VPS4A: variants seen among roughly 807,000 people sequenced by gnomAD.
VPS4A encodes vacuolar protein sorting 4 homolog A.
In VPS4A, 20 loss-of-function variants were observed where a neutral mutation model predicts 52.3. The observed-to-expected ratio is 0.38, with a 90% CI of 0.27 to 0.56. The LOEUF (loss-of-function observed/expected upper bound fraction) is 0.56. VPS4A is among the 20% of genes least tolerant of loss of function. The pLI is 0.72. For missense variants in VPS4A, 419 were observed against 575.9 expected (o/e 0.73, Z 2.79); for synonymous variants, 293 against 227.7 (o/e 1.29, Z -2.58).
At chr16:69,316,948 C>T (rs905364472) in intron 3 of VPS4A, among the ~76,000 whole-genome samples, 2 of 152,164 alleles carry the variant, frequency 1.3e-5, no homozygotes, top group African/African-American at 4.8e-5. Flanking sequence ...CACAGCCTCT[C>T]ACCTCAGGTA....
intron 1 of VPS4A, among the ~76,000 whole-genome samples, chr16:69,314,948 T>C (rs929161451): frequency 2.0e-5 from 3 of 152,034 alleles, no homozygotes; most frequent in African/African-American, 7.2e-5. Flanking sequence ...TGTAGGTGCT[T>C]TACTGACCGG....
intron 1 of VPS4A, 83 bp from the exon 2 acceptor site, chr16:69,315,925 T>C: frequency 8.4e-7 from 1 of 1,188,922 alleles, no homozygotes; most frequent in South Asian, 1.3e-5. Context: ...GCATCCCTCG[T>C]CACGTTTCAT....
rs1253673821 is a variant in VPS4A at position 69,311,357 on chromosome 16, G to C, written c.-155G>C. ...GGGCTGCGCTCCTCGCTTGCCCTCG[G>C]ACTCGGCTCCCGCTGCGAGCGGCCG... On this transcript the variant is annotated 5_prime_UTR_variant, in exon 1 of 11. Coordinates refer to ENST00000254950, the MANE Select transcript of VPS4A (RefSeq NM_013245.3). 1.2e-5 allele frequency: 10 copies of C among 802,680 alleles called. No homozygotes were observed. Among genetic ancestry groups the C allele is most frequent in the Non-Finnish European group, 1.7e-5 (10 of 598,450 alleles). The allele number at this position is 802,680 out of a possible 1,614,324, so 49.7% of individuals were successfully genotyped here. A position where few individuals can be genotyped will look rare whatever the true frequency, so the allele number is the denominator to read the frequency against.
intron 1 of VPS4A, among the ~76,000 whole-genome samples, chr16:69,312,861 C>G (rs1008789309): frequency 1.3e-5 from 2 of 152,130 alleles, no homozygotes; most frequent in African/African-American, 4.8e-5. Context: ...GATCTGCCCA[C>G]TTCGGCCTCC....
chr16:69,317,710 G>C (rs910680367), intron 3 of VPS4A, among the ~76,000 whole-genome samples: 1 of 151,980 alleles, frequency 6.6e-6, no homozygotes, highest in Non-Finnish European at 1.5e-5. Flanking sequence ...GGAGAATGGC[G>C]TGAACCCGGG....
chr16:69,321,487 G>A lies in VPS4A; in HGVS notation c.1071+217G>A. 1.7e-6 allele frequency: 1 copy of A among 599,108 alleles called. No homozygotes were observed. Among genetic ancestry groups the A allele is most frequent in the Non-Finnish European group, 2.9e-6 (1 of 339,926 alleles). The allele number at this position is 599,108 out of a possible 1,614,324, so 37.1% of individuals were successfully genotyped here. On this transcript the variant is annotated intron_variant, in intron 9 of 10. Coordinates refer to ENST00000254950, the MANE Select transcript of VPS4A (RefSeq NM_013245.3). This position sits in a 1 kb window ranked among gnomAD's most constrained non-coding sequence, Gnocchi z 4.5. Reference sequence around the variant, plus strand: ...GGCCATCTCAGGGTGTGTGAAAGCAGAGGACAGGGCCACTTTACTGTCTTA... The same window carrying A: ...GGCCATCTCAGGGTGTGTGAAAGCAAAGGACAGGGCCACTTTACTGTCTTA...
intron 5 of VPS4A, 71 bp downstream of exon 5, chr16:69,319,013 C>A (rs1368604541): frequency 3.2e-6 from 5 of 1,569,938 alleles, no homozygotes; most frequent in Admixed American, 1.8e-5. Flanking sequence ...CTCCGAGGCA[C>A]CCGGGAGTCA....
chr16:69,323,260 A>AATCT (rs964433432), intron 10 of VPS4A: 6 of 181,234 alleles, frequency 3.3e-5, no homozygotes, highest in African/African-American at 1.4e-4. Context: ...GAGCTCACAC[A>AATCT]ATCTTCTGAC....
At chr16:69,319,786 G>A (rs1965487390) in intron 6 of VPS4A, among the ~76,000 whole-genome samples, 1 of 152,174 alleles carries the variant, frequency 6.6e-6, no homozygotes, top group Non-Finnish European at 1.5e-5. Context: ...ATATTTTTGG[G>A]GTCTGGGTTG....
At position 69,324,202 on chromosome 16, in the gene VPS4A, T is replaced by C; in HGVS notation, c.1213-6T>C. ...CCTGCTCAGGCACATACTGTTGCCT[T>C]CACAGTCGGACATGCTGCGGTCTCT... On this transcript the variant is annotated splice_polypyrimidine_tract_variant and splice_region_variant and intron_variant, in intron 10 of 10. Coordinates refer to ENST00000254950, the MANE Select transcript of VPS4A (RefSeq NM_013245.3). 1.2e-6 allele frequency: 2 copies of C among 1,612,298 alleles called. No individual in the cohort carries two copies. Among genetic ancestry groups the C allele is most frequent in the Non-Finnish European group, 1.7e-6 (2 of 1,179,276 alleles).
chr16:69,321,595 T>C lies in VPS4A; in HGVS notation c.1071+325T>C. ...ATCAGTGTTTGGAAAGTGTTGGATATAAAATGACCAGGAAGACCTGTCTAT... is the reference window on the plus strand; with the variant it reads ...ATCAGTGTTTGGAAAGTGTTGGATACAAAATGACCAGGAAGACCTGTCTAT... On this transcript the variant is annotated intron_variant, in intron 9 of 10. Transcript: ENST00000254950. The surrounding 1 kb of genome is among the most constrained non-coding windows in gnomAD (Gnocchi z 4.5). 2.8e-6 allele frequency: 1 copy of C among 356,184 alleles called. No individual in the cohort carries two copies. Among genetic ancestry groups the C allele is most frequent in the Middle Eastern group, 8.6e-4 (1 of 1,166 alleles). 22.1% of individuals were successfully genotyped at this position (356,184 alleles called of 1,614,324 possible).
In VPS4A at chr16:69,321,009, C is replaced by T. The variant is rs1214532454; in HGVS notation, c.852-42C>T. On this transcript the variant is annotated intron_variant, in intron 8 of 10. Coordinates refer to ENST00000254950, the MANE Select transcript of VPS4A (RefSeq NM_013245.3). This position sits in a 1 kb window ranked among gnomAD's most constrained non-coding sequence, Gnocchi z 4.5. The stretch of plus-strand genomic sequence containing the variant: ...GCCTCCCCTTCCGTGAATACCATTC[C>T]ATCATCCGCTGTCAACTCCTGCCGT... 6.5e-7 allele frequency: 1 copy of T among 1,533,592 alleles called. No homozygotes were observed. The highest frequency in any genetic ancestry group is 1.4e-5 in the African/African-American group (1 of 72,826). The allele number at this position is 1,533,592 out of a possible 1,614,324, so 95.0% of individuals were successfully genotyped here.
Position 69,321,532 on chromosome 16 carries a change from C to T in VPS4A, c.1071+262C>T, listed in dbSNP as rs185661091. ...GTCTTAACCCTGCTGCGGCCTCCTC[C>T]GTCAGCACTGTGTGCTCTTGTGCGG... On this transcript the variant is annotated intron_variant, in intron 9 of 10. Coordinates refer to ENST00000254950, the MANE Select transcript of VPS4A (RefSeq NM_013245.3). This position sits in a 1 kb window ranked among gnomAD's most constrained non-coding sequence, Gnocchi z 4.5. The T allele has an allele frequency of 6.4e-4, 329 of 514,020 alleles. 1 individual carries two copies. The highest frequency in any genetic ancestry group is 5.8e-3 in the African/African-American group (302 of 52,262). 31.8% of individuals were successfully genotyped at this position (514,020 alleles called of 1,614,324 possible). A position where few individuals can be genotyped will look rare whatever the true frequency, so the allele number is the denominator to read the frequency against.
rs1043683733 is a variant in VPS4A, at chr16:69,311,361, C to G, written c.-151C>G. ...TGCGCTCCTCGCTTGCCCTCGGACT[C>G]GGCTCCCGCTGCGAGCGGCCGCCCT... On this transcript the variant is annotated 5_prime_UTR_variant, in exon 1 of 11. Transcript: ENST00000254950. 8 of 843,774 alleles carry G rather than the reference C, an allele frequency of 9.5e-6. No homozygotes were observed. In the East Asian group the frequency reaches 1.5e-4, roughly 16 times the overall value. The allele number at this position is 843,774 out of a possible 1,614,324, so 52.3% of individuals were successfully genotyped here. A position where few individuals can be genotyped will look rare whatever the true frequency, so the allele number is the denominator to read the frequency against.
chr16:69,324,191 T>C lies in VPS4A; in HGVS notation c.1213-17T>C. ...GGAGCCTGGCTCCTGCTCAGGCACA[T>C]ACTGTTGCCTTCACAGTCGGACATG... On this transcript the variant is annotated splice_polypyrimidine_tract_variant and intron_variant, in intron 10 of 10. Coordinates refer to ENST00000254950, the MANE Select transcript of VPS4A (RefSeq NM_013245.3). 1.9e-6 allele frequency: 3 copies of C among 1,609,898 alleles called. No individual in the cohort carries two copies. The highest frequency in any genetic ancestry group is 2.5e-6 in the Non-Finnish European group (3 of 1,177,908).
At chr16:69,318,992 C>T in intron 5 of VPS4A, 50 bp downstream of exon 5, 6 of 1,594,300 alleles carry the variant, frequency 3.8e-6, no homozygotes, top group South Asian at 1.1e-5. Context: ...CAGGCTTCCG[C>T]AGGGCTGGCA....
At position 69,320,837 on chromosome 16, in the gene VPS4A, C is replaced by CT; in HGVS notation, c.851+69dup. 1 of 1,492,620 alleles carries CT rather than the reference C, an allele frequency of 6.7e-7. No homozygotes were observed. Among genetic ancestry groups the CT allele is most frequent in the Non-Finnish European group, 9.1e-7 (1 of 1,094,502 alleles). The allele number at this position is 1,492,620 out of a possible 1,614,324, so 92.5% of individuals were successfully genotyped here. On this transcript the variant is annotated intron_variant, in intron 8 of 10. Transcript: ENST00000254950. The surrounding 1 kb of genome is among the most constrained non-coding windows in gnomAD (Gnocchi z 4.2). ...CACCATGGTCACGGTCCGCCTGCTGCTGGCAGCCCGGGTGCAGCCTGGCCC... is the reference window on the plus strand; with the variant it reads ...CACCATGGTCACGGTCCGCCTGCTGCTTGGCAGCCCGGGTGCAGCCTGGCCC...
At chr16:69,319,065 G>T in intron 5 of VPS4A, 123 bp downstream of exon 5, 1 of 1,396,576 alleles carries the variant, frequency 7.2e-7, no homozygotes, top group Admixed American at 2.2e-5. Context: ...GCCAGGCCTG[G>T]CTGCTCGCTG....
At chr16:69,323,911 C>T (rs1277287841) in intron 10 of VPS4A, among the ~76,000 whole-genome samples, 2 of 143,548 alleles carry the variant, frequency 1.4e-5, no homozygotes, top group Non-Finnish European at 3.0e-5. Context: ...GATCATGCCA[C>T]TGCACTCCAG....
Sources: allele counts gnomAD v4.1 joint callset (sites outside exome capture counted in the v4.1 genomes callset), GRCh38; gene constraint gnomAD v4.1.1; non-coding constraint Gnocchi (gnomAD v3.1); transcripts MANE v1.5; gene names NCBI Gene and HGNC (gene_info 2026-07-23, HGNC 2026-07-21).